CTNNA3: variants seen among roughly 807,000 people sequenced by gnomAD.
CTNNA3 encodes the protein catenin alpha-3.
In CTNNA3, 76 loss-of-function variants were observed where a neutral mutation model predicts 95.7. That is an observed-to-expected ratio of 0.79 (90% CI 0.66 to 0.96). The LOEUF is 0.96. Among genes scored for constraint, CTNNA3 ranks in the 40% least tolerant of loss-of-function variants. The probability of loss-of-function intolerance (pLI) is 0.00; values close to 1 mark genes in which losing one functional copy is unlikely to be tolerated. For synonymous variants in CTNNA3, 431 were observed against 374.4 expected (o/e 1.15, Z -1.74); for missense variants, 1,191 against 1,089.8 (o/e 1.09, Z -1.31).
chr10:67,301,901 G>A (rs901175857), intron 5 of CTNNA3, among the ~76,000 whole-genome samples: 5 of 151,304 alleles, frequency 3.3e-5, no homozygotes, highest in Non-Finnish European at 5.9e-5. Flanking sequence ...CCCGGGAGGC[G>A]GAGCTTGCAG....
intron 9 of CTNNA3, among the ~76,000 whole-genome samples, chr10:66,640,286 G>A (rs532299669): frequency 2.0e-5 from 3 of 152,082 alleles, no homozygotes; most frequent in African/African-American, 4.8e-5. Flanking sequence ...TCATGGCATA[G>A]TCGTTCACTA....
At position 67,623,919 on chromosome 10, in the gene CTNNA3, C is replaced by T. The variant is rs569976745; in HGVS notation, c.100-16870G>A. Among the ~76,000 whole-genome samples the T allele has an allele frequency of 6.6e-5, 10 of 152,160 alleles. No individual in the cohort carries two copies. In the South Asian group the frequency reaches 1.7e-3, roughly 25 times the overall value. The stretch of plus-strand genomic sequence containing the variant: ...GCAACCTCCGTCTCCCAGGTTCAAG[C>T]GATTCTCCTACCTTAGCCTCCTGAG... On this transcript the variant is annotated intron_variant, in intron 2 of 17. Coordinates refer to ENST00000433211, the MANE Select transcript of CTNNA3 (RefSeq NM_013266.4).
chr10:67,233,793 G>T (rs1308979351), intron 5 of CTNNA3, among the ~76,000 whole-genome samples: 1 of 151,626 alleles, frequency 6.6e-6, no homozygotes, highest in Non-Finnish European at 1.5e-5. Flanking sequence ...AAAGAGAGAA[G>T]AATCAAATAG....
intron 7 of CTNNA3, among the ~76,000 whole-genome samples, chr10:66,785,451 CAG>C (rs1408187800): frequency 6.6e-6 from 1 of 152,160 alleles, no homozygotes; most frequent in Non-Finnish European, 1.5e-5. Context: ...AACAAAAAGA[CAG>C]AGGAAGGACA....
At chr10:66,540,949 A>G (rs1486525) in intron 10 of CTNNA3, among the ~76,000 whole-genome samples, 16,910 of 152,172 alleles carry the variant, frequency 0.11, 1,680 homozygotes, top group East Asian at 0.56. Context: ...ACTTTACGTA[A>G]GTCTTTTCCA....
chr10:66,334,590 G>T (rs1416081134), intron 12 of CTNNA3, among the ~76,000 whole-genome samples: 1 of 152,072 alleles, frequency 6.6e-6, no homozygotes, highest in African/African-American at 2.4e-5. Flanking sequence ...TAGAGTTTCT[G>T]CCGAGAGGTC....
At chr10:67,693,516 T>A (rs1418941025) in intron 1 of CTNNA3, among the ~76,000 whole-genome samples, 1 of 152,120 alleles carries the variant, frequency 6.6e-6, no homozygotes, top group Non-Finnish European at 1.5e-5. Flanking sequence ...CCAAAAAAAA[T>A]AGAAACATGC....
chr10:66,390,016 G>C (rs1257543015), intron 11 of CTNNA3, among the ~76,000 whole-genome samples: 1 of 152,156 alleles, frequency 6.6e-6, no homozygotes, highest in African/African-American at 2.4e-5. Flanking sequence ...GATTACTGGA[G>C]TGAGCCCCTG....
intron 5 of CTNNA3, among the ~76,000 whole-genome samples, chr10:67,422,020 A>C (rs1301626014): frequency 1.3e-5 from 2 of 152,210 alleles, no homozygotes; most frequent in Non-Finnish European, 2.9e-5. Context: ...CATAGTCTGA[A>C]TTTAATCATG....
intron 13 of CTNNA3, among the ~76,000 whole-genome samples, chr10:66,153,128 T>C (rs534734392): frequency 4.6e-5 from 7 of 152,106 alleles, no homozygotes; most frequent in Non-Finnish European, 8.8e-5. Flanking sequence ...TTTTCAAATA[T>C]GCGTGTTTCA....
intron 13 of CTNNA3, among the ~76,000 whole-genome samples, chr10:66,143,898 A>G (rs2083741635): frequency 6.6e-6 from 1 of 152,238 alleles, no homozygotes; most frequent in Admixed American, 6.5e-5. Flanking sequence ...GTAAAAATGT[A>G]ATCTTGATTT....
chr10:67,338,908 G>C (rs1454485219), intron 5 of CTNNA3, among the ~76,000 whole-genome samples: 1 of 152,128 alleles, frequency 6.6e-6, no homozygotes, highest in Non-Finnish European at 1.5e-5. Context: ...TTCAACCAAT[G>C]AATACAGCAT....
At chr10:67,232,306 G>T (rs536265253) in intron 5 of CTNNA3, among the ~76,000 whole-genome samples, 4 of 152,080 alleles carry the variant, frequency 2.6e-5, no homozygotes, top group African/African-American at 2.4e-5. Context: ...GACTAACAGC[G>T]GATCTCTCAG....
intron 5 of CTNNA3, among the ~76,000 whole-genome samples, chr10:67,363,262 A>C (rs921123576): frequency 6.6e-6 from 1 of 152,034 alleles, no homozygotes; most frequent in African/African-American, 2.4e-5. Flanking sequence ...TAGAAAAAAA[A>C]TTTCTGAAAC....
chr10:66,366,834 T>C (rs1342577244), intron 12 of CTNNA3, among the ~76,000 whole-genome samples: 1 of 152,134 alleles, frequency 6.6e-6, no homozygotes, highest in Non-Finnish European at 1.5e-5. Context: ...CTCTGTATGA[T>C]TAAGGTAGAT....
intron 13 of CTNNA3, among the ~76,000 whole-genome samples, chr10:66,129,665 G>A (rs144822766): frequency 6.6e-6 from 1 of 152,164 alleles, no homozygotes; most frequent in African/African-American, 2.4e-5. Context: ...TTGCAGTGCA[G>A]CCCCCAGGTA....
intron 15 of CTNNA3, among the ~76,000 whole-genome samples, chr10:66,023,568 A>ATT (rs2079267396): frequency 6.6e-6 from 1 of 152,216 alleles, no homozygotes; most frequent in African/African-American, 2.4e-5. Context: ...TATTAGATAA[A>ATT]TTAAAGTATG....
intron 1 of CTNNA3, among the ~76,000 whole-genome samples, chr10:67,687,354 A>G (rs1027013522): frequency 6.6e-6 from 1 of 152,180 alleles, no homozygotes; most frequent in African/African-American, 2.4e-5. Context: ...GCCTCCGCAT[A>G]GTGGACATGG....
rs1005974524 is a variant in CTNNA3 at position 66,431,903 on chromosome 10, T to A, written c.1532-52551A>T. On this transcript the variant is annotated intron_variant, in intron 11 of 17. Transcript: ENST00000433211. Reference sequence around the variant, plus strand: ...CCTAGAACTTAAAGTATAATAAAAATATATATATAAAATCATTGTATTAAT... The same window carrying A: ...CCTAGAACTTAAAGTATAATAAAAAAATATATATAAAATCATTGTATTAAT... Among the ~76,000 whole-genome samples the A allele has an allele frequency of 4.4e-4, 67 of 151,958 alleles. 1 individual carries two copies. Among genetic ancestry groups the A allele is most frequent in the African/African-American group, 1.4e-3 (58 of 41,490 alleles).
Sources: allele counts gnomAD v4.1 joint callset (sites outside exome capture counted in the v4.1 genomes callset), GRCh38; gene constraint gnomAD v4.1.1; transcripts MANE v1.5; gene names NCBI Gene and HGNC (gene_info 2026-07-23, HGNC 2026-07-21).